The following TCF3 variants were observed in gnomAD, a reference collection of about 807,000 sequenced individuals.
The protein encoded by TCF3 is transcription factor E2-alpha.
Under a neutral mutation model 72.3 loss-of-function variants are expected in TCF3, and 54 were observed. The observed-to-expected ratio is 0.75, with a 90% confidence interval of 0.60 to 0.94. The LOEUF (loss-of-function observed/expected upper bound fraction) is 0.94. Ranked by LOEUF, TCF3 falls within the 40% of genes least tolerant of loss-of-function variation. TCF3 has a pLI of 0.00. For synonymous variants in TCF3, 525 were observed against 412.6 expected (o/e 1.27, Z -3.30); for missense variants, 1,078 against 934.4 (o/e 1.15, Z -2.00).
chr19:1,627,360 T>C lies in TCF3; in HGVS notation c.365A>G (p.Gln122Arg). The stretch of plus-strand genomic sequence containing the variant: ...CCCAGCCCGGCCCGAGCCCCTCACC[T>C]GAGTCAGGCCGCCCACGCCTGCGTC... ...GRDAGVGGLT[Q>R]AGFLSGELAL... is the part of the protein sequence containing the mutation. The change falls in exon 6 of 19, where the codon CAG becomes CGG. Residue 122 changes from glutamine (Q) to arginine (R), a missense_variant and splice_region_variant. Gln to Arg is a conservative substitution (Grantham distance 43). Transcript: ENST00000262965. The C allele has an allele frequency of 6.2e-7, 1 of 1,609,406 alleles. No homozygotes were observed. The highest frequency in any genetic ancestry group is 8.5e-7 in the Non-Finnish European group (1 of 1,178,700).
chr19:1,622,921 G>C (rs2062424400), intron 8 of TCF3, among the ~76,000 whole-genome samples: 1 of 152,210 alleles, frequency 6.6e-6, no homozygotes, highest in East Asian at 1.9e-4. Context: ...CTGTGGGGCT[G>C]GGGCCTGTTG....
At chr19:1,646,884 G>A (rs2066192786) in intron 2 of TCF3, among the ~76,000 whole-genome samples, 1 of 152,250 alleles carries the variant, frequency 6.6e-6, no homozygotes, top group African/African-American at 2.4e-5. Flanking sequence ...CCTGAGCCCT[G>A]GCTGACTCCT....
intron 11 of TCF3, 53 bp from the exon 12 acceptor site, chr19:1,621,244 GAC>G: frequency 6.6e-7 from 1 of 1,515,094 alleles, no homozygotes. Context: ...TGCTGCCGCC[GAC>G]GGCAAGCTCT....
chr19:1,620,830 G>A (rs114356186), intron 13 of TCF3, 138 bp downstream of exon 13: 118 of 880,950 alleles, frequency 1.3e-4, no homozygotes, highest in East Asian at 9.8e-5. Context: ...CTCCCTCCCC[G>A]CTGCCTGCCT....
intron 3 of TCF3, among the ~76,000 whole-genome samples, chr19:1,642,082 T>C (rs1220619423): frequency 6.7e-6 from 1 of 149,798 alleles, no homozygotes; most frequent in African/African-American, 2.5e-5. Flanking sequence ...AACAGATTGG[T>C]GATTCCTGGG....
At chr19:1,630,530 C>A (rs2063576786) in intron 5 of TCF3, among the ~76,000 whole-genome samples, 1 of 152,188 alleles carries the variant, frequency 6.6e-6, no homozygotes. Flanking sequence ...TCCCCGCAAG[C>A]CAACAATGCC....
At chr19:1,620,531 C>T (rs775653995) in intron 13 of TCF3, among the ~76,000 whole-genome samples, 9 of 152,204 alleles carry the variant, frequency 5.9e-5, no homozygotes, top group Non-Finnish European at 4.4e-5. Flanking sequence ...CGATGCTGGC[C>T]CCATCGGACC....
intron 3 of TCF3, among the ~76,000 whole-genome samples, chr19:1,644,836 C>A (rs2065845057): frequency 2.0e-5 from 3 of 151,486 alleles, no homozygotes; most frequent in Non-Finnish European, 4.4e-5. Context: ...CTGCTGTAAG[C>A]CCACCCAGAG....
intron 18 of TCF3, among the ~76,000 whole-genome samples, chr19:1,612,834 G>A (rs1240548736): frequency 6.6e-6 from 1 of 151,716 alleles, no homozygotes; most frequent in Non-Finnish European, 1.5e-5. Context: ...GTCAGGCACT[G>A]CAGTGCAGGT....
At chr19:1,640,595 G>A (rs2065094995) in intron 3 of TCF3, among the ~76,000 whole-genome samples, 2 of 152,148 alleles carry the variant, frequency 1.3e-5, no homozygotes. Context: ...GAGGCGGGCG[G>A]ATCACAAGGT....
rs144529009 is a variant in TCF3, at chr19:1,625,613, G to A, written c.462C>T (p.Ser154=). The change falls in exon 7 of 19, where the codon TCC becomes TCT. Residue 154 remains serine (S), a synonymous_variant. Coordinates refer to ENST00000262965, the MANE Select transcript of TCF3 (RefSeq NM_003200.5). ...CTGCCGCTCTCCGCCGGGAGCTGCC[G>A]GAGTAGGAGGGGTAGTACTGGGAGG... ...KGTSQYYPSY[S]GSSRRRAADG... 179 of 1,582,710 alleles carry A rather than the reference G, an allele frequency of 1.1e-4. 1 individual carries two copies. Among genetic ancestry groups the A allele is most frequent in the East Asian group, 1.1e-3 (45 of 40,968 alleles).
At position 1,619,371 on chromosome 19, in the gene TCF3, GC is replaced by G; in HGVS notation, c.1270del (p.Ala424ArgfsTer62). ...DMHTLLPGHG[A>X]LASGFTGPMS... The stretch of plus-strand genomic sequence containing the variant: ...GGGGCCGGTGAAACCTGAGGCCAGC[GC>G]CCCGTGGCCAGGCAGCAGCGTGTGC... On this transcript the variant is annotated frameshift_variant, in exon 15 of 19. Coordinates refer to ENST00000262965, the MANE Select transcript of TCF3 (RefSeq NM_003200.5). LOFTEE classifies it high-confidence loss of function. 1 of 1,589,120 alleles carries G rather than the reference GC, an allele frequency of 6.3e-7. No individual in the cohort carries two copies. The highest frequency in any genetic ancestry group is 1.1e-5 in the South Asian group (1 of 90,214).
In TCF3 at chr19:1,619,165, G is replaced by A; in HGVS notation, c.1396C>T (p.Pro466Ser). ...TSLMHNHAAL[P>S]SQPGTLPDLS... ...TCAGGGAGGGTGCCTGGCTGGCTGGGGAGGGCCGCGTGGTTGTGCATGAGG... is the reference window on the plus strand; with the variant it reads ...TCAGGGAGGGTGCCTGGCTGGCTGGAGAGGGCCGCGTGGTTGTGCATGAGG... Residue 466 changes from proline (P) to serine (S), a missense_variant, in exon 16 of 19, where the codon CCC (proline) becomes TCC (serine). Transcript: ENST00000262965. 1 of 1,600,268 alleles carries A rather than the reference G, an allele frequency of 6.2e-7. No individual in the cohort carries two copies. Among genetic ancestry groups the A allele is most frequent in the Non-Finnish European group, 8.5e-7 (1 of 1,179,744 alleles).
chr19:1,644,282 G>A (rs1390260024), intron 3 of TCF3, among the ~76,000 whole-genome samples: 1 of 152,228 alleles, frequency 6.6e-6, no homozygotes, highest in Non-Finnish European at 1.5e-5. Context: ...CAGCCTGCAG[G>A]GGCCTGGGGG....
At chr19:1,648,817 T>A (rs1368473713) in intron 2 of TCF3, among the ~76,000 whole-genome samples, 5 of 118,730 alleles carry the variant, frequency 4.2e-5, no homozygotes, top group Admixed American at 8.1e-5. Context: ...CCACTGGGCA[T>A]GGGGGGGGGG....
chr19:1,644,852 G>C (rs763231719), intron 3 of TCF3, among the ~76,000 whole-genome samples: 19 of 144,286 alleles, frequency 1.3e-4, no homozygotes, highest in South Asian at 1.0e-3. Flanking sequence ...CAGAGGCCCA[G>C]GAGAATGGGG....
intron 13 of TCF3, 47 bp downstream of exon 13, chr19:1,620,921 A>T: frequency 7.1e-7 from 1 of 1,410,890 alleles, no homozygotes; most frequent in Non-Finnish European, 9.3e-7. Flanking sequence ...CCTCCCCCCA[A>T]ACCCTCACAG....
intron 16 of TCF3, among the ~76,000 whole-genome samples, chr19:1,617,006 G>A (rs1322517474): frequency 6.6e-6 from 1 of 152,156 alleles, no homozygotes; most frequent in African/African-American, 2.4e-5. Context: ...TCACAGACAA[G>A]GAAACCACAT....
intron 3 of TCF3, among the ~76,000 whole-genome samples, chr19:1,644,760 C>A (rs1349220246): frequency 6.6e-6 from 1 of 152,152 alleles, no homozygotes; most frequent in African/African-American, 2.4e-5. Flanking sequence ...CGTGCCAGGG[C>A]TGAGGGGGTG....
Sources: gnomAD v4.1 joint callset for allele counts (sites outside exome capture counted in the v4.1 genomes callset) on GRCh38, gnomAD v4.1.1 for gene constraint, MANE v1.5 for transcripts, NCBI Gene and HGNC (gene_info 2026-07-23, HGNC 2026-07-21) for gene names.